SOX13: variants seen among roughly 807,000 people sequenced by gnomAD.
The protein encoded by SOX13 is SRY-box transcription factor 13.
Under a neutral mutation model 71.8 loss-of-function variants are expected in SOX13, and 28 were observed. The observed-to-expected ratio is 0.39, with a 90% CI of 0.29 to 0.53. The LOEUF is 0.53. Ranked by LOEUF, SOX13 falls within the 20% of genes least tolerant of loss-of-function variation. The pLI, the probability that SOX13 is intolerant of heterozygous loss-of-function variation, is 0.70. For missense variants in SOX13, 627 were observed against 810.3 expected, an observed-to-expected ratio of 0.77 and a Z score of 2.75; for synonymous variants, 309 against 317.8, an observed-to-expected ratio of 0.97 and a Z score of 0.29.
chr1:204,109,529 A>T (rs1037725325), intron 1 of SOX13, among the ~76,000 whole-genome samples: 2 of 152,220 alleles, frequency 1.3e-5, no homozygotes, highest in Non-Finnish European at 2.9e-5. Context: ...AATAGGCTAT[A>T]CCATACAGCC....
At chr1:204,085,077 G>A (rs1655988737) in intron 1 of SOX13, among the ~76,000 whole-genome samples, 3 of 152,124 alleles carry the variant, frequency 2.0e-5, no homozygotes, top group Admixed American at 2.0e-4. Context: ...TGGGATTTAG[G>A]GCAGGAGGTG....
intron 1 of SOX13, among the ~76,000 whole-genome samples, chr1:204,076,726 C>T (rs994801457): frequency 3.3e-5 from 5 of 152,164 alleles, no homozygotes; most frequent in Admixed American, 2.6e-4. Context: ...GGGAGGATGG[C>T]CAGAAGGTTG....
intron 1 of SOX13, among the ~76,000 whole-genome samples, chr1:204,108,057 G>T (rs1656506297): frequency 6.6e-6 from 1 of 152,172 alleles, no homozygotes; most frequent in Non-Finnish European, 1.5e-5. Flanking sequence ...CTAAGTGTGT[G>T]TAGAAGCTCA....
intron 1 of SOX13, among the ~76,000 whole-genome samples, chr1:204,086,953 C>CA (rs1656034949): frequency 6.7e-6 from 1 of 150,182 alleles, no homozygotes; most frequent in Non-Finnish European, 1.5e-5. Flanking sequence ...GACGGAGTCT[C>CA]ACTCTGTCAC....
chr1:204,100,550 G>T (rs7537122), intron 1 of SOX13, among the ~76,000 whole-genome samples: 1 of 152,134 alleles, frequency 6.6e-6, no homozygotes, highest in African/African-American at 2.4e-5. Context: ...TATTGAAAAG[G>T]CGCCAAAGCC....
chr1:204,117,095 C>G, intron 5 of SOX13, 27 bp from the exon 6 acceptor site: 1 of 1,612,340 alleles, frequency 6.2e-7, no homozygotes, highest in Non-Finnish European at 8.5e-7. Context: ...TCCGTGACCC[C>G]CTCTGCCTAC....
chr1:204,089,622 G>A (rs1476611672), intron 1 of SOX13, among the ~76,000 whole-genome samples: 1 of 152,204 alleles, frequency 6.6e-6, no homozygotes, highest in Non-Finnish European at 1.5e-5. Flanking sequence ...CTCTGCAAAA[G>A]TGCTGAGCTG....
chr1:204,075,994 C>T (rs76726185), intron 1 of SOX13, among the ~76,000 whole-genome samples: 2,920 of 152,316 alleles, frequency 0.019, 101 homozygotes, highest in African/African-American at 0.065. Context: ...CTCTCCCACC[C>T]TTGCCTGATT....
Position 204,126,152 on chromosome 1 carries a change from TG to T in SOX13, c.*20del, listed in dbSNP as rs758853935. The stretch of plus-strand genomic sequence containing the variant: ...CAGACTGATCCCGGCTGGGTGGGCC[TG>T]GCCCCTTCTCCTCTGGGGAAGACCT... On this transcript the variant is annotated 3_prime_UTR_variant, in exon 14 of 14. Coordinates refer to ENST00000367204, the MANE Select transcript of SOX13 (RefSeq NM_005686.3). The T allele has an allele frequency of 2.5e-6, 4 of 1,609,022 alleles. No individual in the cohort carries two copies. The highest frequency in any genetic ancestry group is 3.4e-6 in the Non-Finnish European group (4 of 1,176,378).
chr1:204,073,652 G>GTC lies in SOX13; in HGVS notation c.-61_-60insTC, dbSNP rs1330734049. On this transcript the variant is annotated 5_prime_UTR_variant, in exon 1 of 14. Coordinates refer to ENST00000367204, the MANE Select transcript of SOX13 (RefSeq NM_005686.3). This position sits in a 1 kb window ranked among gnomAD's most constrained non-coding sequence, Gnocchi z 6.8. ...CTGCCAGCCGCGAGGACCGCACGGAGGAGGAGCAGGAGCGCGGAGCCGCGA... is the reference window on the plus strand; with the variant it reads ...CTGCCAGCCGCGAGGACCGCACGGAGTCGAGGAGCAGGAGCGCGGAGCCGCGA... 6.6e-6 allele frequency: 1 copy of GTC among 152,090 alleles called. No homozygotes were observed. The highest frequency in any genetic ancestry group is 2.0e-4 in the East Asian group (1 of 5,096). The allele number at this position is 152,090 out of a possible 1,614,324, so 9.4% of individuals were successfully genotyped here. A position where few individuals can be genotyped will look rare whatever the true frequency, so the allele number is the denominator to read the frequency against.
intron 13 of SOX13, among the ~76,000 whole-genome samples, chr1:204,125,106 C>G (rs74610932): frequency 1.3e-5 from 2 of 152,084 alleles, no homozygotes; most frequent in Non-Finnish European, 2.9e-5. Context: ...GGACTGGCCA[C>G]GTGGACCTGG....
intron 1 of SOX13, among the ~76,000 whole-genome samples, chr1:204,095,334 G>A (rs1048426816): frequency 5.9e-5 from 9 of 152,274 alleles, no homozygotes; most frequent in South Asian, 2.1e-4. Context: ...TCCCTGCTGA[G>A]AAATCCTAAA....
intron 1 of SOX13, among the ~76,000 whole-genome samples, chr1:204,104,771 A>G (rs1456440236): frequency 6.6e-6 from 1 of 152,190 alleles, no homozygotes; most frequent in Non-Finnish European, 1.5e-5. Context: ...CCTGTACCCC[A>G]GGGTCTGAGT....
rs1418764821 is a variant in SOX13 at position 204,126,409 on chromosome 1, A to G, written c.*275A>G. 1.2e-5 allele frequency: 6 copies of G among 493,198 alleles called. No homozygotes were observed. The East Asian group carries it at 2.1e-4, about 17-fold the overall frequency. The allele number at this position is 493,198 out of a possible 1,614,324, so 30.6% of individuals were successfully genotyped here. On this transcript the variant is annotated 3_prime_UTR_variant, in exon 14 of 14. Coordinates refer to ENST00000367204, the MANE Select transcript of SOX13 (RefSeq NM_005686.3). Reference sequence around the variant, plus strand: ...AGGGCTTATGGCCAGGGGACACTGTATGACTCTCCTCTCCTGCAGGTGTCT... The same window carrying G: ...AGGGCTTATGGCCAGGGGACACTGTGTGACTCTCCTCTCCTGCAGGTGTCT...
chr1:204,080,331 C>A (rs1655877005), intron 1 of SOX13, among the ~76,000 whole-genome samples: 1 of 137,390 alleles, frequency 7.3e-6, no homozygotes, highest in Non-Finnish European at 1.5e-5. Context: ...CAACATTGTC[C>A]CCCTGTGTCT....
Position 204,126,770 on chromosome 1 carries a change from C to A in SOX13, c.*636C>A, listed in dbSNP as rs1352342346. The A allele has an allele frequency of 6.5e-6, 1 of 153,162 alleles. No individual in the cohort carries two copies. Among genetic ancestry groups the A allele is most frequent in the Non-Finnish European group, 1.5e-5 (1 of 68,492 alleles). 9.5% of individuals were successfully genotyped at this position (153,162 alleles called of 1,614,324 possible). On this transcript the variant is annotated 3_prime_UTR_variant, in exon 14 of 14. Coordinates refer to ENST00000367204, the MANE Select transcript of SOX13 (RefSeq NM_005686.3). ...GCTGAGTTCCTGTGGGTGTGTCTCT[C>A]GATGCCACTCCTGCTTCTCTGGGGG...
intron 12 of SOX13, among the ~76,000 whole-genome samples, chr1:204,124,182 G>A (rs553123140): frequency 4.1e-4 from 62 of 152,302 alleles, no homozygotes; most frequent in African/African-American, 1.5e-3. Context: ...CTGATTGGTG[G>A]CCACGGAGGG....
intron 1 of SOX13, among the ~76,000 whole-genome samples, chr1:204,108,678 G>C (rs751847270): frequency 1.5e-4 from 23 of 152,172 alleles, no homozygotes; most frequent in African/African-American, 5.3e-4. Context: ...GCCGGCCTGC[G>C]CCCGCAGTGG....
At chr1:204,095,019 G>A (rs542944719) in intron 1 of SOX13, among the ~76,000 whole-genome samples, 5 of 152,258 alleles carry the variant, frequency 3.3e-5, no homozygotes, top group South Asian at 4.1e-4. Context: ...TTCTATGAGC[G>A]CAGACCTTCT....
Sources: gnomAD v4.1 joint callset for allele counts (sites outside exome capture counted in the v4.1 genomes callset) on GRCh38, gnomAD v4.1.1 for gene constraint, Gnocchi (gnomAD v3.1) non-coding constraint, MANE v1.5 for transcripts, NCBI Gene and HGNC (gene_info 2026-07-23, HGNC 2026-07-21) for gene names.